IFT52: variants seen among roughly 807,000 people sequenced by gnomAD.
IFT52 encodes the protein intraflagellar transport protein 52 homolog.
Under a neutral mutation model 54.4 loss-of-function variants are expected in IFT52, and 44 were observed. That is an observed-to-expected ratio of 0.81 (90% CI 0.63 to 1.04). The LOEUF is 1.04. IFT52 is among the 50% of genes least tolerant of loss of function. The probability of loss-of-function intolerance (pLI) is 0.00; values close to 1 mark genes in which losing one functional copy is unlikely to be tolerated. For missense variants in IFT52, 452 were observed against 523.6 expected (o/e 0.86, Z 1.33); for synonymous variants, 181 against 185.3 (o/e 0.98, Z 0.19).
At chr20:43,643,480 T>G (rs1986065449) in intron 13 of IFT52, among the ~76,000 whole-genome samples, 1 of 54,826 alleles carries the variant, frequency 1.8e-5, no homozygotes, top group East Asian at 6.1e-4. Context: ...AGTGAGACTC[T>G]GTCTCAAAAA....
chr20:43,627,181 A>G (rs1568779134), intron 10 of IFT52, among the ~76,000 whole-genome samples: 1 of 151,866 alleles, frequency 6.6e-6, no homozygotes, highest in East Asian at 1.9e-4. Context: ...AAAAAAAAAA[A>G]GAAAGGAAGA....
At chr20:43,624,172 T>C in intron 10 of IFT52, 127 bp downstream of exon 10, 11 of 1,037,570 alleles carry the variant, frequency 1.1e-5, no homozygotes, top group Admixed American at 2.1e-5. Context: ...CTCAGATCTA[T>C]GATGAGGTCA....
In IFT52 at chr20:43,647,223, T is replaced by G. The variant is rs576045258; in HGVS notation, c.*240T>G. On this transcript the variant is annotated 3_prime_UTR_variant, in exon 14 of 14. Transcript: ENST00000373030. ...GTTGCATCTGTCTTTTTATACCCTA[T>G]GAAACAGTCTTGATTTTTTTTTCTC... The G allele has an allele frequency of 2.6e-4, 135 of 528,448 alleles. No homozygotes were observed. In the East Asian group the frequency reaches 4.2e-3, roughly 17 times the overall value. 32.7% of individuals were successfully genotyped at this position (528,448 alleles called of 1,614,324 possible).
At position 43,596,517 on chromosome 20, in the gene IFT52, G is replaced by C. The variant is rs747327279; in HGVS notation, c.202G>C (p.Ala68Pro). The C allele has an allele frequency of 2.5e-6, 4 of 1,586,440 alleles. No homozygotes were observed. In the East Asian group the frequency reaches 8.9e-5, roughly 35 times the overall value. ...TGGGCCAAGGGAAAAATTTACTGCA[G>C]CTGAGGTAAGAAATATCCACTAAAG... is the stretch of plus-strand genomic sequence containing the variant. ...TAGPREKFTA[A>P]EFEILKKYLD... Residue 68 changes from alanine (A) to proline (P), a missense_variant, in exon 3 of 14, where the codon GCT becomes CCT. Coordinates refer to ENST00000373030, the MANE Select transcript of IFT52 (RefSeq NM_016004.5).
At chr20:43,627,275 A>C (rs1984800566) in intron 10 of IFT52, among the ~76,000 whole-genome samples, 1 of 152,220 alleles carries the variant, frequency 6.6e-6, no homozygotes, top group African/African-American at 2.4e-5. Context: ...CTGAGAGCCA[A>C]GCAAAGAAAG....
chr20:43,618,882 A>G lies in IFT52; in HGVS notation c.613-58A>G, dbSNP rs1984062439. The G allele has an allele frequency of 3.7e-6, 4 of 1,075,154 alleles. 1 individual carries two copies. In the Middle Eastern group the frequency reaches 6.0e-4, roughly 161 times the overall value. The allele number at this position is 1,075,154 out of a possible 1,614,324, so 66.6% of individuals were successfully genotyped here. A position where few individuals can be genotyped will look rare whatever the true frequency, so the allele number is the denominator to read the frequency against. The stretch of plus-strand genomic sequence containing the variant: ...TGATTCTAATAAGTGTCTGGGTACT[A>G]GGATACATGAGATGCACTTTCGGAT... On this transcript the variant is annotated intron_variant, in intron 7 of 13. Transcript: ENST00000373030.
chr20:43,594,687 C>T lies in IFT52; in HGVS notation c.-6-6C>T. ...TGATTTTCTGATCCCATCTTTCTTC[C>T]ATAAGGTAACCATGGAGAAAGAGCT... On this transcript the variant is annotated splice_region_variant and splice_polypyrimidine_tract_variant and intron_variant, in intron 1 of 13. Transcript: ENST00000373030. 6.9e-7 allele frequency: 1 copy of T among 1,442,414 alleles called. No individual in the cohort carries two copies. Among genetic ancestry groups the T allele is most frequent in the Non-Finnish European group, 9.8e-7 (1 of 1,024,722 alleles). The allele number at this position is 1,442,414 out of a possible 1,614,324, so 89.4% of individuals were successfully genotyped here. A position where few individuals can be genotyped will look rare whatever the true frequency, so the allele number is the denominator to read the frequency against.
rs1981452928 is a variant in IFT52, at chr20:43,590,978, C to A, written c.-83C>A. 1 of 152,268 alleles carries A rather than the reference C, an allele frequency of 6.6e-6. No individual in the cohort carries two copies. The highest frequency in any genetic ancestry group is 1.5e-5 in the Non-Finnish European group (1 of 68,058). 9.4% of individuals were successfully genotyped at this position (152,268 alleles called of 1,614,324 possible). A position where few individuals can be genotyped will look rare whatever the true frequency, so the allele number is the denominator to read the frequency against. ...CTCCCGGCGCACCGACGCGCCTCTC[C>A]GGTTACTAAGCGGCCTTGGATACCT... On this transcript the variant is annotated 5_prime_UTR_variant, in exon 1 of 14. Transcript: ENST00000373030.
chr20:43,596,601 C>A, intron 3 of IFT52, 79 bp downstream of exon 3: 3 of 916,992 alleles, frequency 3.3e-6, no homozygotes, highest in Admixed American at 1.9e-5. Flanking sequence ...TTGAATCCCC[C>A]TTCACCACTT....
At chr20:43,608,184 G>C (rs1444235050) in intron 6 of IFT52, among the ~76,000 whole-genome samples, 1 of 152,164 alleles carries the variant, frequency 6.6e-6, no homozygotes, top group Non-Finnish European at 1.5e-5. Flanking sequence ...GGGAGAGGGA[G>C]AGGGAGTGGG....
At chr20:43,609,164 C>T (rs995127766) in intron 6 of IFT52, among the ~76,000 whole-genome samples, 1 of 151,924 alleles carries the variant, frequency 6.6e-6, no homozygotes, top group Non-Finnish European at 1.5e-5. Context: ...ATTGCTTGAA[C>T]CCAGAAGGTT....
At chr20:43,640,388 A>G (rs545253614) in intron 12 of IFT52, among the ~76,000 whole-genome samples, 73 of 152,250 alleles carry the variant, frequency 4.8e-4, no homozygotes, top group African/African-American at 1.7e-3. Flanking sequence ...TGAATTCGGG[A>G]GGTGGAGGTT....
At chr20:43,610,571 A>C (rs1312989443) in intron 6 of IFT52, among the ~76,000 whole-genome samples, 1 of 151,700 alleles carries the variant, frequency 6.6e-6, no homozygotes, top group Non-Finnish European at 1.5e-5. Context: ...GTCTCTACTA[A>C]AAACAAAACA....
intron 7 of IFT52, among the ~76,000 whole-genome samples, chr20:43,617,258 A>T (rs1006543068): frequency 1.3e-5 from 2 of 152,212 alleles, no homozygotes; most frequent in Non-Finnish European, 2.9e-5. Context: ...TAATAGTTTC[A>T]GCAACAATGT....
rs949226615 is a variant in IFT52 at position 43,647,186 on chromosome 20, A to G, written c.*203A>G. ...TGTAAGATACATTCCATTTTTAAAAATTAAATGTATGGTTGCATCTGTCTT... is the reference window on the plus strand; with the variant it reads ...TGTAAGATACATTCCATTTTTAAAAGTTAAATGTATGGTTGCATCTGTCTT... On this transcript the variant is annotated 3_prime_UTR_variant, in exon 14 of 14. Transcript: ENST00000373030. 1.4e-5 allele frequency: 8 copies of G among 575,406 alleles called. No individual in the cohort carries two copies. The highest frequency in any genetic ancestry group is 2.5e-5 in the Non-Finnish European group (8 of 325,354). 35.6% of individuals were successfully genotyped at this position (575,406 alleles called of 1,614,324 possible).
chr20:43,605,151 G>T, intron 6 of IFT52, 78 bp downstream of exon 6: 1 of 1,566,774 alleles, frequency 6.4e-7, no homozygotes, highest in East Asian at 2.3e-5. Context: ...AAGAGCTTTT[G>T]TTTCTGGTTA....
chr20:43,596,233 A>G (rs1981948105), intron 2 of IFT52, among the ~76,000 whole-genome samples: 3 of 152,228 alleles, frequency 2.0e-5, no homozygotes, highest in African/African-American at 7.2e-5. Flanking sequence ...TACTGGAAGT[A>G]TTTGAACAGA....
Position 43,623,913 on chromosome 20 carries a change from C to A in IFT52, c.791C>A (p.Pro264His). 6.2e-7 allele frequency: 1 copy of A among 1,614,070 alleles called. No homozygotes were observed. Among genetic ancestry groups the A allele is most frequent in the Non-Finnish European group, 8.5e-7 (1 of 1,179,978 alleles). ...CAGATTTCTGACTACATGATGCTGC[C>A]CTACACAGCCACCCTATCAAAGCGG... ...DPEISDYMML[P>H]YTATLSKRNR... The change falls in exon 10 of 14, where the codon CCC (proline) becomes CAC (histidine). Residue 264 changes from proline (P) to histidine (H), a missense_variant. Transcript: ENST00000373030.
intron 12 of IFT52, among the ~76,000 whole-genome samples, chr20:43,638,106 C>T (rs1169580489): frequency 6.6e-6 from 1 of 152,118 alleles, no homozygotes; most frequent in African/African-American, 2.4e-5. Flanking sequence ...GCAAATGGGT[C>T]TGCACATATA....
Sources: allele counts gnomAD v4.1 joint callset (sites outside exome capture counted in the v4.1 genomes callset), GRCh38; gene constraint gnomAD v4.1.1; transcripts MANE v1.5; gene names NCBI Gene and HGNC (gene_info 2026-07-23, HGNC 2026-07-21).